BAZ2A: variants seen among roughly 807,000 people sequenced by gnomAD.
BAZ2A encodes the protein bromodomain adjacent to zinc finger domain protein 2A.
BAZ2A carries 34 observed loss-of-function variants against 199.9 expected under a neutral mutation model. The ratio of observed to expected loss-of-function variants is 0.17; its 90% CI spans 0.13 to 0.23. BAZ2A has a LOEUF of 0.23. BAZ2A is among the 10% of genes least tolerant of loss of function. The pLI is 1.00. For synonymous variants in BAZ2A, 857 were observed against 883.9 expected (o/e 0.97, Z 0.54); for missense variants, 2,002 against 2,391.1 (o/e 0.84, Z 3.39).
Position 56,610,537 on chromosome 12 carries a change from G to A in BAZ2A, c.1671-20C>T, listed in dbSNP as rs751290548. ...CGCCACCTGCCAGAGAAGCACATGG[G>A]CCCTGCCGCCAGGTCACACCCCTAC... On this transcript the variant is annotated intron_variant, in intron 7 of 28. Coordinates refer to ENST00000549884, the MANE Select transcript of BAZ2A (RefSeq NM_001300905.2). The A allele has an allele frequency of 1.3e-6, 2 of 1,599,314 alleles. No homozygotes were observed. The highest frequency in any genetic ancestry group is 1.1e-5 in the South Asian group (1 of 88,954).
At chr12:56,599,929 C>T in intron 25 of BAZ2A, 35 bp downstream of exon 25, 1 of 1,613,170 alleles carries the variant, frequency 6.2e-7, no homozygotes, top group Non-Finnish European at 8.5e-7. Flanking sequence ...TGCTGGCTGG[C>T]CCCTCAGCCT....
Position 56,600,226 on chromosome 12 carries a change from C to T in BAZ2A, c.4867G>A (p.Ala1623Thr). ...ATCTCTGTAGTGGTGCCCTCAGGGG[C>T]ACCATTAGGTGTGCTAAGCAGGGCC... ...EKALLSTPNG[A>T]PEGTTTEISY... Residue 1623 changes from alanine (A) to threonine (T), a missense_variant, in exon 24 of 29, where the codon GCC (alanine) becomes ACC (threonine). Physicochemically the swap from Ala to Thr is moderately conservative, Grantham distance 58 (BLOSUM62 0). Coordinates refer to ENST00000549884, the MANE Select transcript of BAZ2A (RefSeq NM_001300905.2). 1 of 1,613,946 alleles carries T rather than the reference C, an allele frequency of 6.2e-7. No individual in the cohort carries two copies. The highest frequency in any genetic ancestry group is 8.5e-7 in the Non-Finnish European group (1 of 1,179,860).
chr12:56,595,691 A>G lies in BAZ2A; in HGVS notation c.*2927T>C, dbSNP rs560672009. 2.9e-4 allele frequency: 44 copies of G among 152,338 alleles called. No homozygotes were observed. Among genetic ancestry groups the G allele is most frequent in the African/African-American group, 1.0e-3 (42 of 41,532 alleles). The allele number at this position is 152,338 out of a possible 1,614,324, so 9.4% of individuals were successfully genotyped here. On this transcript the variant is annotated 3_prime_UTR_variant, in exon 29 of 29. Coordinates refer to ENST00000549884, the MANE Select transcript of BAZ2A (RefSeq NM_001300905.2). ...AGGAACACAGAGGTGGCAGCTTAGGAAGCTGGGGCCACATCTCACAAGGCA... is the reference window on the plus strand; with the variant it reads ...AGGAACACAGAGGTGGCAGCTTAGGGAGCTGGGGCCACATCTCACAAGGCA...
chr12:56,600,161 TTCTC>T, intron 24 of BAZ2A, 36 bp downstream of exon 24: 1 of 1,612,154 alleles, frequency 6.2e-7, no homozygotes, highest in Non-Finnish European at 8.5e-7. Context: ...ACTTATCCCT[TTCTC>T]TCCAAGACCA....
Position 56,601,663 on chromosome 12 carries a change from T to C in BAZ2A, c.3954A>G (p.Gln1318=), listed in dbSNP as rs777456905. The C allele has an allele frequency of 3.7e-6, 6 of 1,614,006 alleles. No homozygotes were observed. The highest frequency in any genetic ancestry group is 1.7e-5 in the Admixed American group (1 of 60,022). ...GGGCTGAGATGTTAAACCAGAGTGCTTGAGGATCAGGGCTGGATTCTGCCT... is the reference window on the plus strand; with the variant it reads ...GGGCTGAGATGTTAAACCAGAGTGCCTGAGGATCAGGGCTGGATTCTGCCT... The part of the protein sequence containing the change: ...PDEAESSPDP[Q]ALWFNISAQM... Residue 1318 remains glutamine (Q), a synonymous_variant, in exon 20 of 29, where the codon CAA becomes CAG. Coordinates refer to ENST00000549884, the MANE Select transcript of BAZ2A (RefSeq NM_001300905.2).
upstream of BAZ2A, chr12:56,635,043 C>A (rs373839054): frequency 3.1e-5 from 31 of 984,850 alleles, no homozygotes; most frequent in East Asian, 5.7e-4. This position sits in a 1 kb window ranked among gnomAD's most constrained non-coding sequence, Gnocchi z 4.1. Flanking sequence ...CCTGGGCCGG[C>A]GGCGGCGGAG....
At chr12:56,624,454 T>A (rs1406916827) in intron 1 of BAZ2A, among the ~76,000 whole-genome samples, 1 of 152,166 alleles carries the variant, frequency 6.6e-6, no homozygotes, top group Admixed American at 6.5e-5. Context: ...CACCATTATA[T>A]CCCTAGCACC....
In BAZ2A at chr12:56,605,859, T is replaced by C; in HGVS notation, c.2464A>G (p.Thr822Ala). The change falls in exon 13 of 29, where the codon ACA (threonine) becomes GCA (alanine). Residue 822 changes from threonine to alanine, a missense_variant. By Grantham distance (58) the Thr-to-Ala change is moderately conservative (BLOSUM62 0). Around this residue, in one of 6 missense-constraint regions of BAZ2A, gnomAD observed 1,081 missense variants for 1,274.7 expected, o/e 0.85. Transcript: ENST00000549884. ...TGGTCAGTCAGACACATATCCTCTG[T>C]CGGCTTCTTCATTTCCTCCAAGATC... ...QMILEEMKKPTEDMCLTDHQP... is the reference protein window; with the variant it reads ...QMILEEMKKPAEDMCLTDHQP... 6.2e-7 allele frequency: 1 copy of C among 1,607,698 alleles called. No homozygotes were observed. Among genetic ancestry groups the C allele is most frequent in the Non-Finnish European group, 8.5e-7 (1 of 1,176,954 alleles).
intron 19 of BAZ2A, 69 bp downstream of exon 19, chr12:56,602,644 T>A: frequency 1.3e-6 from 2 of 1,561,692 alleles, no homozygotes; most frequent in Non-Finnish European, 1.7e-6. Flanking sequence ...CCAAGACTAC[T>A]AAGGAAAAGG....
intron 1 of BAZ2A, chr12:56,636,053 TC>T (rs1951441651): frequency 1.7e-6 from 2 of 1,160,344 alleles, no homozygotes; most frequent in Admixed American, 4.5e-5. Flanking sequence ...GTGCCCCCCG[TC>T]CCCCAGAGTC....
chr12:56,622,941 A>G (rs900656446), intron 1 of BAZ2A, among the ~76,000 whole-genome samples: 2 of 152,160 alleles, frequency 1.3e-5, no homozygotes, highest in African/African-American at 4.8e-5. Context: ...ACATGGTTTA[A>G]TAGAAAAAGG....
Position 56,606,591 on chromosome 12 carries a change from G to C in BAZ2A, c.2193+42C>G, listed in dbSNP as rs749596767. 16 of 1,558,344 alleles carry C rather than the reference G, an allele frequency of 1.0e-5. No individual in the cohort carries two copies. In the Middle Eastern group the frequency reaches 2.2e-3, roughly 213 times the overall value. On this transcript the variant is annotated intron_variant, in intron 11 of 28. Transcript: ENST00000549884. ...AAAATAAAAGATGAAGTAAGTTGTA[G>C]GAAAAATTAACCTACTGTTTCATCT...
At chr12:56,631,551 A>T (rs2137448816), upstream of BAZ2A, among the ~76,000 whole-genome samples, 1 of 152,256 alleles carries the variant, frequency 6.6e-6, no homozygotes, top group East Asian at 1.9e-4. Flanking sequence ...AATGTCAAAC[A>T]GTGGATAAAA....
At position 56,604,796 on chromosome 12, in the gene BAZ2A, G is replaced by A; in HGVS notation, c.2752C>T (p.Leu918=). Residue 918 remains leucine, a synonymous_variant, in exon 15 of 29, where the codon CTA becomes TTA. Coordinates refer to ENST00000549884, the MANE Select transcript of BAZ2A (RefSeq NM_001300905.2). ...DPGFPSYCQS[L]KILGEKVSEI... is the part of the protein sequence containing the mutation. ...GACACCTTCTCCCCCAAGATCTTTA[G>A]GGACTGTGTGGAGGACAGCATAATG... 2 of 1,613,184 alleles carry A rather than the reference G, an allele frequency of 1.2e-6. No homozygotes were observed. Among genetic ancestry groups the A allele is most frequent in the Non-Finnish European group, 1.7e-6 (2 of 1,179,700 alleles).
At chr12:56,600,633 A>T in intron 23 of BAZ2A, 48 bp downstream of exon 23, 2 of 1,599,406 alleles carry the variant, frequency 1.3e-6, no homozygotes, top group Non-Finnish European at 1.7e-6. Flanking sequence ...GGCATAAGGG[A>T]CTAATGCTTT....
In BAZ2A at chr12:56,614,001, G is replaced by A. The variant is rs1232130766; in HGVS notation, c.868C>T (p.Pro290Ser). 4 of 1,613,858 alleles carry A rather than the reference G, an allele frequency of 2.5e-6. No homozygotes were observed. The highest frequency in any genetic ancestry group is 8.5e-7 in the Non-Finnish European group (1 of 1,179,882). Residue 290 changes from proline to serine, a missense_variant, in exon 4 of 29, where the codon CCA (proline) becomes TCA (serine). Around this residue, in one of 6 missense-constraint regions of BAZ2A, gnomAD observed 641 missense variants for 694.5 expected, o/e 0.92. Coordinates refer to ENST00000549884, the MANE Select transcript of BAZ2A (RefSeq NM_001300905.2). The stretch of plus-strand genomic sequence containing the variant: ...TCCAGAGAGTCTTCACTGAGGATTG[G>A]AGTGTCTTCCAGTTGATCAGGAAGA... The part of the protein sequence containing the change: ...SHLPDQLEDT[P>S]ILSEDSLEPF...
upstream of BAZ2A, chr12:56,630,355 C>T: frequency 5.7e-6 from 5 of 879,622 alleles, no homozygotes; most frequent in Non-Finnish European, 6.8e-6. Flanking sequence ...GCGGAGAAGC[C>T]TCGGCCGGGA....
rs200509112 is a variant in BAZ2A, at chr12:56,600,077, G to A, written c.4912C>T (p.Arg1638Cys). The A allele has an allele frequency of 1.2e-5, 20 of 1,613,950 alleles. No homozygotes were observed. Among genetic ancestry groups the A allele is most frequent in the Non-Finnish European group, 1.4e-5 (16 of 1,179,904 alleles). The change falls in exon 25 of 29, where the codon CGC (arginine) becomes TGC (cysteine). Residue 1638 changes from arginine (R) to cysteine (C), a missense_variant. Coordinates refer to ENST00000549884, the MANE Select transcript of BAZ2A (RefSeq NM_001300905.2). The stretch of plus-strand genomic sequence containing the variant: ...AGGGTCTGGCGCCAGACACGAATGC[G>A]AGGGGTGATCTCATATGATCTGGAG... ...TTEISYEITP[R>C]IRVWRQTLER...
intron 16 of BAZ2A, 22 bp from the exon 17 acceptor site, chr12:56,603,722 T>C: frequency 6.2e-7 from 1 of 1,613,156 alleles, no homozygotes; most frequent in Admixed American, 1.7e-5. Context: ...TGGAGAAAGA[T>C]TAAGGGAAGG....
Sources: gnomAD v4.1 joint callset for allele counts (sites outside exome capture counted in the v4.1 genomes callset) on GRCh38, gnomAD v4.1.1 for gene constraint, gnomAD v4.1.1 regional missense constraint, Gnocchi (gnomAD v3.1) non-coding constraint, MANE v1.5 for transcripts, NCBI Gene and HGNC (gene_info 2026-07-23, HGNC 2026-07-21) for gene names.